The following FMN2 variants were observed in gnomAD, a reference collection of about 807,000 sequenced individuals.
The protein encoded by FMN2 is formin 2, also known as formin-2.
In FMN2, 51 loss-of-function variants were observed where a neutral mutation model predicts 142.3. That is an observed-to-expected ratio of 0.36 (90% CI 0.29 to 0.45). FMN2 has a LOEUF of 0.45. Ranked by LOEUF, FMN2 falls within the 20% of genes least tolerant of loss-of-function variation. The pLI is 1.00. For synonymous variants in FMN2, 882 were observed against 869.8 expected, an observed-to-expected ratio of 1.01 and a Z score of -0.25; for missense variants, 1,936 against 2,122.8, an observed-to-expected ratio of 0.91 and a Z score of 1.73.
chr1:240,249,559 G>A (rs1022648348), intron 6 of FMN2, among the ~76,000 whole-genome samples: 22 of 151,780 alleles, frequency 1.4e-4, no homozygotes, highest in Admixed American at 3.3e-4. Flanking sequence ...TTGTTTATTC[G>A]TTTTGCTCCG....
chr1:240,271,960 T>G (rs1388646048), intron 7 of FMN2, among the ~76,000 whole-genome samples: 3 of 152,158 alleles, frequency 2.0e-5, no homozygotes, highest in Non-Finnish European at 4.4e-5. Flanking sequence ...TGTTCCATAG[T>G]TGGACTTTTT....
chr1:240,137,918 T>C (rs954672733), intron 2 of FMN2, among the ~76,000 whole-genome samples: 3 of 151,506 alleles, frequency 2.0e-5, no homozygotes, highest in Admixed American at 6.6e-5. Context: ...GGTGAAACCT[T>C]GTCTCTACTA....
intron 8 of FMN2, among the ~76,000 whole-genome samples, chr1:240,319,398 G>T (rs1670894284): frequency 6.6e-6 from 1 of 152,160 alleles, no homozygotes; most frequent in African/African-American, 2.4e-5. Flanking sequence ...GTTCCTTGGG[G>T]GATATCTTTC....
chr1:240,383,866 G>A (rs930006652), intron 14 of FMN2, among the ~76,000 whole-genome samples: 1 of 149,360 alleles, frequency 6.7e-6, no homozygotes, highest in Non-Finnish European at 1.5e-5. Flanking sequence ...CATCACAACA[G>A]ATGACTGGAG....
At chr1:240,206,025 C>T (rs1666339332) in intron 4 of FMN2, among the ~76,000 whole-genome samples, 1 of 151,918 alleles carries the variant, frequency 6.6e-6, no homozygotes, top group African/African-American at 2.4e-5. Flanking sequence ...GCCTCAGCCT[C>T]CCAAGTAGCT....
At chr1:240,186,592 C>T (rs1665461431) in intron 3 of FMN2, among the ~76,000 whole-genome samples, 1 of 152,194 alleles carries the variant, frequency 6.6e-6, no homozygotes, top group African/African-American at 2.4e-5. Context: ...GAAGCAGCCA[C>T]AGAGTGGGGC....
chr1:240,092,279 GC>G lies in FMN2; in HGVS notation c.171del (p.Gly58AlafsTer84). 2 of 1,579,354 alleles carry G rather than the reference GC, an allele frequency of 1.3e-6. No individual in the cohort carries two copies. The highest frequency in any genetic ancestry group is 1.1e-5 in the South Asian group (1 of 87,446). ...KHGKGGGGGG[G>X]GGESGKKKSK... ...GGCAAGGGGGGAGGGGGCGGCGGCGGCGGCGGGGAGTCGGGCAAGAAGAAGA... is the reference window on the plus strand; with the variant it reads ...GGCAAGGGGGGAGGGGGCGGCGGCGGGGCGGGGAGTCGGGCAAGAAGAAGA... On this transcript the variant is annotated frameshift_variant, in exon 1 of 18. Coordinates refer to ENST00000319653, the MANE Select transcript of FMN2 (RefSeq NM_020066.5). LOFTEE classifies it high-confidence loss of function.
chr1:240,254,715 C>T (rs1054373527), intron 6 of FMN2, among the ~76,000 whole-genome samples: 10 of 151,984 alleles, frequency 6.6e-5, no homozygotes, highest in African/African-American at 2.4e-4. Context: ...GAGGGGTGCC[C>T]CATCCTCAGG....
intron 14 of FMN2, among the ~76,000 whole-genome samples, chr1:240,379,381 G>A (rs1572248368): frequency 6.6e-6 from 1 of 152,156 alleles, no homozygotes; most frequent in African/African-American, 2.4e-5. Context: ...ACTGTATACA[G>A]GTGCCACTTA....
chr1:240,306,682 C>T lies in FMN2; in HGVS notation c.4215+11799C>T, dbSNP rs1452591699. 2.6e-5 allele frequency among the ~76,000 whole-genome samples: 4 copies of T among 152,300 alleles called. No individual in the cohort carries two copies. In the East Asian group the frequency reaches 7.7e-4, roughly 29 times the overall value. The stretch of plus-strand genomic sequence containing the variant: ...CATCTAGGTTTATTCCACGTCTTTG[C>T]TATTGCAAATAGTGCTGTGATGAAC... On this transcript the variant is annotated intron_variant, in intron 8 of 17. Transcript: ENST00000319653.
intron 7 of FMN2, among the ~76,000 whole-genome samples, chr1:240,264,419 A>T (rs1302468392): frequency 6.6e-6 from 1 of 152,182 alleles, no homozygotes; most frequent in African/African-American, 2.4e-5. Context: ...TCTAGGGTAC[A>T]TGTGCAGAAT....
intron 14 of FMN2, among the ~76,000 whole-genome samples, chr1:240,361,151 A>G (rs1572230140): frequency 2.1e-4 from 5 of 23,608 alleles, no homozygotes; most frequent in Non-Finnish European, 2.6e-4. Flanking sequence ...GTATATATAT[A>G]TATATATATA....
At chr1:240,420,738 G>A (rs535109893) in intron 15 of FMN2, among the ~76,000 whole-genome samples, 2 of 152,302 alleles carry the variant, frequency 1.3e-5, no homozygotes, top group African/African-American at 2.4e-5. Flanking sequence ...CATAGCCACC[G>A]TGTGCCAGAG....
intron 7 of FMN2, among the ~76,000 whole-genome samples, chr1:240,280,399 A>C (rs2102937165): frequency 6.6e-6 from 1 of 152,268 alleles, no homozygotes; most frequent in East Asian, 1.9e-4. Flanking sequence ...TTATTTTGGC[A>C]TAAGACATTT....
At chr1:240,445,217 T>C (rs1211498767) in intron 16 of FMN2, among the ~76,000 whole-genome samples, 2 of 152,224 alleles carry the variant, frequency 1.3e-5, no homozygotes, top group African/African-American at 2.4e-5. Flanking sequence ...TCAACAATTT[T>C]TTATGATATG....
intron 7 of FMN2, among the ~76,000 whole-genome samples, chr1:240,274,187 G>GA (rs1024313901): frequency 1.9e-5 from 2 of 106,012 alleles, no homozygotes; most frequent in African/African-American, 7.0e-5. Flanking sequence ...TCCCATAGAA[G>GA]AAAAACAATT....
At chr1:240,281,399 T>A (rs576475946) in intron 7 of FMN2, among the ~76,000 whole-genome samples, 1 of 152,284 alleles carries the variant, frequency 6.6e-6, no homozygotes, top group East Asian at 1.9e-4. Context: ...TCCTAGGACA[T>A]ATGGTATTTT....
intron 6 of FMN2, chr1:240,245,227 G>A: frequency 3.8e-6 from 1 of 266,410 alleles, no homozygotes; most frequent in Non-Finnish European, 7.4e-6. Context: ...GAAAATAGAA[G>A]AGAAATACAT....
chr1:240,169,320 T>A (rs1284096906), intron 2 of FMN2, among the ~76,000 whole-genome samples: 1 of 152,184 alleles, frequency 6.6e-6, no homozygotes, highest in Non-Finnish European at 1.5e-5. Flanking sequence ...GACTTGGCAG[T>A]CTTGTCTCAG....
Sources: allele counts gnomAD v4.1 joint callset (sites outside exome capture counted in the v4.1 genomes callset), GRCh38; gene constraint gnomAD v4.1.1; transcripts MANE v1.5; gene names NCBI Gene and HGNC (gene_info 2026-07-23, HGNC 2026-07-21).